The following ANXA3 variants were observed in gnomAD, a reference collection of about 807,000 sequenced individuals.
ANXA3 encodes the protein annexin A3, also known as 35-alpha calcimedin.
ANXA3 carries 46 observed loss-of-function variants against 48.8 expected under a neutral mutation model. The observed-to-expected ratio is 0.94, with a 90% CI of 0.74 to 1.21. ANXA3 has a LOEUF of 1.21. ANXA3 is among the 50% of genes most tolerant of loss of function. The pLI is 0.00. For synonymous variants in ANXA3, 128 were observed against 134.7 expected (o/e 0.95, Z 0.35); for missense variants, 383 against 378.6 (o/e 1.01, Z -0.10).
intron 2 of ANXA3, among the ~76,000 whole-genome samples, chr4:78,569,673 G>A (rs542660717): frequency 1.3e-5 from 2 of 152,352 alleles, no homozygotes; most frequent in African/African-American, 2.4e-5. Flanking sequence ...CAGGAACACT[G>A]GGGTTGGGCC....
chr4:78,577,706 G>A lies in ANXA3; in HGVS notation c.104-1321G>A, dbSNP rs535956739. 4.0e-5 allele frequency among the ~76,000 whole-genome samples: 6 copies of A among 148,378 alleles called. No individual in the cohort carries two copies. The South Asian group carries it at 1.3e-3, about 32-fold the overall frequency. ...GAAGTGTGTAGATGAGGTCTGTGAG[G>A]GTCACCTTGACACAAAGAAGTTGAG... On this transcript the variant is annotated intron_variant, in intron 3 of 12. Transcript: ENST00000264908.
At chr4:78,587,879 G>T (rs1723209799) in intron 6 of ANXA3, among the ~76,000 whole-genome samples, 1 of 151,974 alleles carries the variant, frequency 6.6e-6, no homozygotes, top group Non-Finnish European at 1.5e-5. Flanking sequence ...GGATCACAAG[G>T]TCAGGAGTTC....
At chr4:78,606,772 C>T (rs1723657700) in intron 12 of ANXA3, among the ~76,000 whole-genome samples, 1 of 122,956 alleles carries the variant, frequency 8.1e-6, no homozygotes, top group African/African-American at 2.6e-5. Context: ...TTTGTTTTTG[C>T]ACTAAACTTT....
chr4:78,596,122 T>C (rs1296037760), intron 9 of ANXA3, among the ~76,000 whole-genome samples: 1 of 152,078 alleles, frequency 6.6e-6, no homozygotes, highest in African/African-American at 2.4e-5. Context: ...AGGTAATAGA[T>C]GGGGGAGGGA....
intron 7 of ANXA3, among the ~76,000 whole-genome samples, chr4:78,593,265 C>T (rs556111894): frequency 3.8e-4 from 58 of 152,036 alleles, no homozygotes; most frequent in African/African-American, 1.2e-3. Context: ...TGCTGTGGTG[C>T]GATCTCGGCT....
intron 10 of ANXA3, 115 bp downstream of exon 10, chr4:78,597,529 G>T (rs1723447211): frequency 1.5e-6 from 1 of 651,948 alleles, no homozygotes; most frequent in Admixed American, 3.0e-5. Context: ...GCTCCCTACA[G>T]CCCCCAACAT....
chr4:78,553,522 T>C (rs1453922904), intron 1 of ANXA3, among the ~76,000 whole-genome samples: 2 of 152,172 alleles, frequency 1.3e-5, no homozygotes, highest in Admixed American at 1.3e-4. Flanking sequence ...TAATGCCTTG[T>C]TTTCACTGTA....
At chr4:78,607,367 C>T (rs894428423) in intron 12 of ANXA3, among the ~76,000 whole-genome samples, 1 of 151,734 alleles carries the variant, frequency 6.6e-6, no homozygotes, top group African/African-American at 2.4e-5. Flanking sequence ...AGCCTGTCAT[C>T]CTGCCTGTTT....
At chr4:78,608,079 A>G (rs1723688918) in intron 12 of ANXA3, among the ~76,000 whole-genome samples, 1 of 152,198 alleles carries the variant, frequency 6.6e-6, no homozygotes, top group Non-Finnish European at 1.5e-5. Flanking sequence ...TAAAAATATT[A>G]TCAAATGCAT....
intron 1 of ANXA3, among the ~76,000 whole-genome samples, chr4:78,553,585 A>T (rs1216978581): frequency 6.6e-6 from 1 of 152,176 alleles, no homozygotes; most frequent in Non-Finnish European, 1.5e-5. Flanking sequence ...TCTGGCTGTA[A>T]CCCCTCATAA....
At chr4:78,607,242 AC>A (rs1723666100) in intron 12 of ANXA3, among the ~76,000 whole-genome samples, 1 of 152,218 alleles carries the variant, frequency 6.6e-6, no homozygotes, top group Non-Finnish European at 1.5e-5. Flanking sequence ...TATTTCTACC[AC>A]CTAACACATA....
At chr4:78,573,075 T>C (rs1305872977) in intron 2 of ANXA3, 105 bp from the exon 3 acceptor site, 1 of 880,414 alleles carries the variant, frequency 1.1e-6, no homozygotes, top group South Asian at 1.3e-5. Flanking sequence ...GGTGTGCGAA[T>C]TATGGGTTTG....
chr4:78,554,889 T>C (rs536283284), intron 2 of ANXA3, among the ~76,000 whole-genome samples: 1 of 152,178 alleles, frequency 6.6e-6, no homozygotes, highest in South Asian at 2.1e-4. Context: ...TCCATGTGGA[T>C]AAAATACAGA....
chr4:78,601,837 A>G (rs1011082324), intron 11 of ANXA3: 25 of 306,568 alleles, frequency 8.2e-5, no homozygotes, highest in Non-Finnish European at 1.3e-4. Flanking sequence ...AAACATTCTC[A>G]TTTTCTCTAA....
intron 2 of ANXA3, among the ~76,000 whole-genome samples, chr4:78,559,224 C>T (rs1722577396): frequency 6.6e-6 from 1 of 152,064 alleles, no homozygotes; most frequent in Non-Finnish European, 1.5e-5. Flanking sequence ...GGACCACAGG[C>T]ATGCCCCCAC....
intron 3 of ANXA3, among the ~76,000 whole-genome samples, chr4:78,578,286 G>GGAGAGAGAGA (rs1553900181): frequency 1.2e-5 from 1 of 81,184 alleles, no homozygotes. Flanking sequence ...AGGGCGAAGG[G>GGAGAGAGAGA]GAGAGAGAGA....
chr4:78,563,296 G>A (rs2109927026), intron 2 of ANXA3, among the ~76,000 whole-genome samples: 1 of 152,262 alleles, frequency 6.6e-6, no homozygotes, highest in East Asian at 1.9e-4. Flanking sequence ...GTCCCTCACA[G>A]GTTTCTCATC....
intron 10 of ANXA3, among the ~76,000 whole-genome samples, chr4:78,599,241 A>C (rs1305193408): frequency 1.3e-5 from 2 of 152,204 alleles, no homozygotes; most frequent in Non-Finnish European, 2.9e-5. Context: ...AGGACGTTTT[A>C]ATCAGCCGCA....
intron 3 of ANXA3, among the ~76,000 whole-genome samples, chr4:78,576,221 A>G (rs984630923): frequency 1.3e-5 from 2 of 152,088 alleles, no homozygotes; most frequent in African/African-American, 4.8e-5. Flanking sequence ...CTTTATATCA[A>G]TATAATATTA....
Sources: gnomAD v4.1 joint callset for allele counts (sites outside exome capture counted in the v4.1 genomes callset) on GRCh38, gnomAD v4.1.1 for gene constraint, MANE v1.5 for transcripts, NCBI Gene and HGNC (gene_info 2026-07-23, HGNC 2026-07-21) for gene names.